The following PYCR3 variants were observed in gnomAD, a reference collection of about 807,000 sequenced individuals.
The protein encoded by PYCR3 is pyrroline-5-carboxylate reductase 3, also known as P5C reductase 3.
In PYCR3, 26 loss-of-function variants were observed where a neutral mutation model predicts 23.4. The observed-to-expected ratio is 1.11, with a 90% CI of 0.81 to 1.54. The LOEUF is 1.54. PYCR3 is among the 40% of genes most tolerant of loss of function. The pLI, the probability that PYCR3 is intolerant of heterozygous loss-of-function variation, is 0.00. For synonymous variants in PYCR3, 194 were observed against 162.6 expected, an observed-to-expected ratio of 1.19 and a Z score of -1.47; for missense variants, 360 against 376.3, an observed-to-expected ratio of 0.96 and a Z score of 0.36.
chr8:143,606,598 G>A lies in PYCR3; in HGVS notation c.418C>T (p.Arg140Trp), dbSNP rs777148200. The A allele has an allele frequency of 2.2e-5, 35 of 1,611,708 alleles. No homozygotes were observed. The highest frequency in any genetic ancestry group is 9.3e-5 in the African/African-American group (7 of 74,900). ...VVQEGAIVMA[R>W]GRHVGSSETK... Reference sequence around the variant, plus strand: ...TCGCTGCTCCCCACGTGGCGGCCCCGCGCCATCACTATGGCCCCTTCCTGG... The same window carrying A: ...TCGCTGCTCCCCACGTGGCGGCCCCACGCCATCACTATGGCCCCTTCCTGG... Residue 140 changes from arginine (R) to tryptophan (W), a missense_variant, in exon 4 of 6, where the codon CGG (arginine) becomes TGG (tryptophan). Physicochemically the swap from Arg to Trp is moderately radical, Grantham distance 101 (BLOSUM62 -3). Coordinates refer to ENST00000495276, the MANE Select transcript of PYCR3 (RefSeq NM_023078.6).
At chr8:143,607,715 C>T (rs1385161192) in intron 2 of PYCR3, among the ~76,000 whole-genome samples, 1 of 152,038 alleles carries the variant, frequency 6.6e-6, no homozygotes, top group Non-Finnish European at 1.5e-5. Flanking sequence ...CATGCACTCA[C>T]CACACGTGCA....
At chr8:143,607,795 A>C (rs190681693) in intron 2 of PYCR3, among the ~76,000 whole-genome samples, 48 of 152,214 alleles carry the variant, frequency 3.2e-4, no homozygotes, top group Admixed American at 2.7e-3. Context: ...GCATAGCCTC[A>C]CATATACACA....
In PYCR3 at chr8:143,605,407, C is replaced by T. The variant is rs972218677; in HGVS notation, c.*293G>A. 1.2e-4 allele frequency: 58 copies of T among 468,014 alleles called. No individual in the cohort carries two copies. The highest frequency in any genetic ancestry group is 1.0e-3 in the African/African-American group (52 of 51,418). 29.0% of individuals were successfully genotyped at this position (468,014 alleles called of 1,614,324 possible). A position where few individuals can be genotyped will look rare whatever the true frequency, so the allele number is the denominator to read the frequency against. Reference sequence around the variant, plus strand: ...CCATGCGGGCAAATGACCAAGACGCCATCTCTTGGGCCCCTCAGAACCAAT... The same window carrying T: ...CCATGCGGGCAAATGACCAAGACGCTATCTCTTGGGCCCCTCAGAACCAAT... On this transcript the variant is annotated 3_prime_UTR_variant, in exon 6 of 6. Transcript: ENST00000495276.
At chr8:143,608,331 C>T in intron 1 of PYCR3, 1 of 584,106 alleles carries the variant, frequency 1.7e-6, no homozygotes, top group East Asian at 2.9e-5. Context: ...CGGTCAACGC[C>T]CCTGACTGCT....
chr8:143,607,407 T>A (rs997792221), intron 2 of PYCR3, among the ~76,000 whole-genome samples: 2 of 152,128 alleles, frequency 1.3e-5, no homozygotes, highest in Non-Finnish European at 2.9e-5. Flanking sequence ...AACACACCCA[T>A]GCACATGCAC....
At position 143,605,043 on chromosome 8, in the gene PYCR3, C is replaced by T. The variant is rs1829354212; in HGVS notation, c.*657G>A. ...CCTACCACTGCCCACCTGGTGCCACCCCAGCACTGCCGCAGACCTGGCCCA... is the reference window on the plus strand; with the variant it reads ...CCTACCACTGCCCACCTGGTGCCACTCCAGCACTGCCGCAGACCTGGCCCA... On this transcript the variant is annotated 3_prime_UTR_variant, in exon 6 of 6. Coordinates refer to ENST00000495276, the MANE Select transcript of PYCR3 (RefSeq NM_023078.6). The T allele has an allele frequency of 2.3e-6, 1 of 431,320 alleles. No individual in the cohort carries two copies. Among genetic ancestry groups the T allele is most frequent in the Admixed American group, 2.7e-5 (1 of 37,012 alleles). 26.7% of individuals were successfully genotyped at this position (431,320 alleles called of 1,614,324 possible). A position where few individuals can be genotyped will look rare whatever the true frequency, so the allele number is the denominator to read the frequency against.
intron 1 of PYCR3, 93 bp from the exon 2 acceptor site, chr8:143,608,219 G>T: frequency 1.0e-6 from 1 of 977,446 alleles, no homozygotes; most frequent in Non-Finnish European, 1.6e-6. Context: ...CTCAGGCTCA[G>T]CCACGCCTGG....
chr8:143,604,899 G>A lies in PYCR3; in HGVS notation c.*801C>T. 2.0e-6 allele frequency: 1 copy of A among 507,748 alleles called. No individual in the cohort carries two copies. 31.5% of individuals were successfully genotyped at this position (507,748 alleles called of 1,614,324 possible). A position where few individuals can be genotyped will look rare whatever the true frequency, so the allele number is the denominator to read the frequency against. On this transcript the variant is annotated 3_prime_UTR_variant, in exon 6 of 6. Transcript: ENST00000495276. ...GGGCAGGAGGGCCCAGAGCCACCTG[G>A]CCACTTGTCAGGAGCTTAGGATTGG...
chr8:143,606,936 G>A lies in PYCR3; in HGVS notation c.336+17C>T. On this transcript the variant is annotated intron_variant, in intron 3 of 5. Transcript: ENST00000495276. ...AGCCTATACTGGGACCAAGGCCTTA[G>A]CCCAAGGGACACTCACCTCCTCCAG... The A allele has an allele frequency of 6.3e-7, 1 of 1,582,686 alleles. No homozygotes were observed. Among genetic ancestry groups the A allele is most frequent in the Non-Finnish European group, 8.6e-7 (1 of 1,160,278 alleles).
At chr8:143,606,208 A>G (rs1829394982) in intron 4 of PYCR3, 54 bp from the exon 5 acceptor site, 2 of 1,502,062 alleles carry the variant, frequency 1.3e-6, no homozygotes, top group Non-Finnish European at 1.8e-6. Context: ...CTGGGGGCTC[A>G]GGACCTTCAG....
rs761637189 is a variant in PYCR3 at position 143,606,524 on chromosome 8, C to A, written c.492G>T (p.Glu164Asp). The A allele has an allele frequency of 1.2e-6, 2 of 1,612,788 alleles. No homozygotes were observed. The highest frequency in any genetic ancestry group is 2.7e-5 in the African/African-American group (2 of 74,904). ...GGATGTCGACGTAGGCTTCAGGCAC[C>A]TCCTCACACCGCCCACAGGCCTCCA... The part of the protein sequence containing the change: ...HLLEACGRCE[E>D]VPEAYVDIHT... The change falls in exon 4 of 6, where the codon GAG becomes GAT. Residue 164 changes from glutamate to aspartate, a missense_variant. By Grantham distance (45) the Glu-to-Asp change is conservative (BLOSUM62 2). Coordinates refer to ENST00000495276, the MANE Select transcript of PYCR3 (RefSeq NM_023078.6).
chr8:143,604,593 G>C lies in PYCR3; in HGVS notation c.*1107C>G, dbSNP rs990074562. 2.6e-5 allele frequency: 8 copies of C among 306,304 alleles called. No homozygotes were observed. The highest frequency in any genetic ancestry group is 5.0e-5 in the Non-Finnish European group (8 of 158,588). 19.0% of individuals were successfully genotyped at this position (306,304 alleles called of 1,614,324 possible). On this transcript the variant is annotated 3_prime_UTR_variant, in exon 6 of 6. Coordinates refer to ENST00000495276, the MANE Select transcript of PYCR3 (RefSeq NM_023078.6). Reference sequence around the variant, plus strand: ...GCCTCACCTCCAGAGGCTGTTGGGCGGAAGCCGAGAGCTGCAGCAGTTGGG... The same window carrying C: ...GCCTCACCTCCAGAGGCTGTTGGGCCGAAGCCGAGAGCTGCAGCAGTTGGG...
At position 143,603,325 on chromosome 8, in the gene PYCR3, T is replaced by C. The variant is rs979028539; in HGVS notation, c.*2375A>G. The stretch of plus-strand genomic sequence containing the variant: ...GGGCATAGGGCATAAAAGTGGAACA[T>C]TGATCAAAGATACCGTAATCATATC... On this transcript the variant is annotated 3_prime_UTR_variant, in exon 6 of 6. Coordinates refer to ENST00000495276, the MANE Select transcript of PYCR3 (RefSeq NM_023078.6). 7.2e-5 allele frequency: 11 copies of C among 152,240 alleles called. No homozygotes were observed. The highest frequency in any genetic ancestry group is 2.1e-4 in the South Asian group (1 of 4,836). 9.4% of individuals were successfully genotyped at this position (152,240 alleles called of 1,614,324 possible).
At chr8:143,608,868 G>A (rs1470457624) in intron 1 of PYCR3, 1 of 456,576 alleles carries the variant, frequency 2.2e-6, no homozygotes, top group African/African-American at 2.0e-5. Context: ...TCTGGACCCT[G>A]AAGTATGGCT....
chr8:143,609,431 C>A lies in PYCR3; in HGVS notation c.91+27G>T, dbSNP rs766271838. The A allele has an allele frequency of 6.1e-6, 9 of 1,485,758 alleles. No individual in the cohort carries two copies. In the South Asian group the frequency reaches 1.0e-4, roughly 17 times the overall value. The allele number at this position is 1,485,758 out of a possible 1,614,324, so 92.0% of individuals were successfully genotyped here. On this transcript the variant is annotated intron_variant, in intron 1 of 5. Transcript: ENST00000495276. ...CCACGGGGCTGCTCCCACTCCAGAC[C>A]GCAGGCCTAGCCCCGCGCCGCCCCA...
Position 143,606,935 on chromosome 8 carries a change from A to C in PYCR3, c.336+18T>G, listed in dbSNP as rs745737759. On this transcript the variant is annotated intron_variant, in intron 3 of 5. Coordinates refer to ENST00000495276, the MANE Select transcript of PYCR3 (RefSeq NM_023078.6). ...GAGCCTATACTGGGACCAAGGCCTT[A>C]GCCCAAGGGACACTCACCTCCTCCA... 1 of 1,576,230 alleles carries C rather than the reference A, an allele frequency of 6.3e-7. No homozygotes were observed. Among genetic ancestry groups the C allele is most frequent in the Admixed American group, 1.8e-5 (1 of 56,014 alleles).
In PYCR3 at chr8:143,606,691, G is replaced by C. The variant is rs1214509516; in HGVS notation, c.337-12C>G. The C allele has an allele frequency of 2.5e-6, 4 of 1,573,398 alleles. No homozygotes were observed. The highest frequency in any genetic ancestry group is 2.7e-5 in the African/African-American group (2 of 74,086). Reference sequence around the variant, plus strand: ...TTTGGGGGCAGCAGCTGGCCAGAGAGAGGTCAGAATCAGGGAGTCTGTAGG... The same window carrying C: ...TTTGGGGGCAGCAGCTGGCCAGAGACAGGTCAGAATCAGGGAGTCTGTAGG... On this transcript the variant is annotated splice_polypyrimidine_tract_variant and intron_variant, in intron 3 of 5. Transcript: ENST00000495276.
rs1195866366 is a variant in PYCR3, at chr8:143,609,367, G to A, written c.91+91C>T. 121 of 1,338,508 alleles carry A rather than the reference G, an allele frequency of 9.0e-5. 1 individual carries two copies. The East Asian group carries it at 2.8e-3, about 31-fold the overall frequency. The allele number at this position is 1,338,508 out of a possible 1,614,324, so 82.9% of individuals were successfully genotyped here. On this transcript the variant is annotated intron_variant, in intron 1 of 5. Transcript: ENST00000495276. Reference sequence around the variant, plus strand: ...GCGGAGCGGAGACCCGGTTGGCTGGGCCCGCGCCCCCGGCCCCACTCTCGC... The same window carrying A: ...GCGGAGCGGAGACCCGGTTGGCTGGACCCGCGCCCCCGGCCCCACTCTCGC...
In PYCR3 at chr8:143,604,807, T is replaced by C. The variant is rs990474625; in HGVS notation, c.*893A>G. The C allele has an allele frequency of 9.0e-6, 4 of 444,978 alleles. No homozygotes were observed. In the Admixed American group the frequency reaches 1.0e-4, roughly 12 times the overall value. The allele number at this position is 444,978 out of a possible 1,614,324, so 27.6% of individuals were successfully genotyped here. A position where few individuals can be genotyped will look rare whatever the true frequency, so the allele number is the denominator to read the frequency against. On this transcript the variant is annotated 3_prime_UTR_variant, in exon 6 of 6. Transcript: ENST00000495276. The stretch of plus-strand genomic sequence containing the variant: ...AGGGACAGGTGGAGGGGCCAAGTCT[T>C]GCCATCAGAGGCCAGTGTGGTGGTG...
Sources: allele counts gnomAD v4.1 joint callset (sites outside exome capture counted in the v4.1 genomes callset), GRCh38; gene constraint gnomAD v4.1.1; transcripts MANE v1.5; gene names NCBI Gene and HGNC (gene_info 2026-07-23, HGNC 2026-07-21).